The following THSD7B variants were observed in gnomAD, a reference collection of about 807,000 sequenced individuals.
THSD7B encodes the protein thrombospondin type-1 domain-containing protein 7B.
THSD7B carries 138 observed loss-of-function variants against 213.6 expected under a neutral mutation model. The ratio of observed to expected loss-of-function variants is 0.65; its 90% confidence interval spans 0.56 to 0.74. The LOEUF is 0.74. Among genes scored for constraint, THSD7B ranks in the 30% least tolerant of loss-of-function variants. THSD7B has a pLI of 0.00. For missense variants in THSD7B, 1,931 were observed against 1,991.5 expected, an observed-to-expected ratio of 0.97 and a Z score of 0.58; for synonymous variants, 742 against 687.0, an observed-to-expected ratio of 1.08 and a Z score of -1.25.
chr2:136,861,935 G>A (rs935411869), intron 1 of THSD7B, among the ~76,000 whole-genome samples: 1 of 152,038 alleles, frequency 6.6e-6, no homozygotes, highest in African/African-American at 2.4e-5. Context: ...GCTTCCAAAG[G>A]GACTCACCCA....
intron 20 of THSD7B, among the ~76,000 whole-genome samples, chr2:137,621,528 G>A (rs1026009533): frequency 6.6e-6 from 1 of 152,182 alleles, no homozygotes; most frequent in African/African-American, 2.4e-5. Context: ...CAGTAGTGAG[G>A]CAGGTAAATG....
intron 2 of THSD7B, among the ~76,000 whole-genome samples, chr2:136,929,068 C>T (rs190617645): frequency 2.2e-4 from 34 of 152,194 alleles, no homozygotes; most frequent in Non-Finnish European, 4.0e-4. Flanking sequence ...ACATGAAAAA[C>T]GTAACAGATT....
At chr2:137,357,286 A>G (rs913177310) in intron 12 of THSD7B, among the ~76,000 whole-genome samples, 9 of 152,146 alleles carry the variant, frequency 5.9e-5, no homozygotes, top group Non-Finnish European at 8.8e-5. Context: ...TCCCTATTCG[A>G]AACAGCTAAG....
intron 1 of THSD7B, among the ~76,000 whole-genome samples, chr2:136,854,932 T>G (rs1400468055): frequency 6.6e-6 from 1 of 152,142 alleles, no homozygotes; most frequent in Non-Finnish European, 1.5e-5. Flanking sequence ...AGGGGTTTTA[T>G]TCTTTTTAAA....
At chr2:136,876,387 A>T (rs1028741761) in intron 1 of THSD7B, among the ~76,000 whole-genome samples, 1 of 152,204 alleles carries the variant, frequency 6.6e-6, no homozygotes, top group African/African-American at 2.4e-5. Flanking sequence ...TCAATGGCAT[A>T]TATAATTGGC....
chr2:137,557,153 G>A (rs1374340915), intron 15 of THSD7B, among the ~76,000 whole-genome samples: 1 of 152,114 alleles, frequency 6.6e-6, no homozygotes, highest in Non-Finnish European at 1.5e-5. Context: ...AGTTAAGAGG[G>A]ATATCCAGGA....
At chr2:137,312,596 G>A (rs1476107056) in intron 12 of THSD7B, among the ~76,000 whole-genome samples, 3 of 151,562 alleles carry the variant, frequency 2.0e-5, no homozygotes, top group African/African-American at 7.3e-5. Flanking sequence ...TAATTGTGAT[G>A]TCAGGGTGTC....
At chr2:137,656,725 T>C (rs1036206611) in intron 22 of THSD7B, 71 bp from the exon 23 acceptor site, 1 of 1,462,714 alleles carries the variant, frequency 6.8e-7, no homozygotes, top group Non-Finnish European at 9.3e-7. Flanking sequence ...GTGTGAGCCC[T>C]GCCCATGCAA....
intron 1 of THSD7B, among the ~76,000 whole-genome samples, chr2:136,859,124 CA>C (rs995073411): frequency 2.6e-5 from 4 of 152,192 alleles, no homozygotes; most frequent in African/African-American, 9.6e-5. Context: ...TGCTACCAAT[CA>C]ACTTACTATT....
At chr2:136,917,045 G>T (rs1335012064) in intron 2 of THSD7B, among the ~76,000 whole-genome samples, 1 of 152,168 alleles carries the variant, frequency 6.6e-6, no homozygotes, top group African/African-American at 2.4e-5. Context: ...ATTGATACTG[G>T]TTTTATCAGT....
chr2:136,847,380 C>A (rs2104960566), intron 1 of THSD7B, among the ~76,000 whole-genome samples: 1 of 152,180 alleles, frequency 6.6e-6, no homozygotes, highest in East Asian at 1.9e-4. Flanking sequence ...AATCGGGAAT[C>A]CTCTTTCTAT....
intron 15 of THSD7B, among the ~76,000 whole-genome samples, chr2:137,472,629 A>G (rs896410852): frequency 2.0e-5 from 3 of 152,196 alleles, no homozygotes; most frequent in Admixed American, 1.3e-4. Context: ...GGATATGAAC[A>G]ACTTTCAGCC....
At chr2:137,407,939 A>G (rs1024037522) in intron 13 of THSD7B, among the ~76,000 whole-genome samples, 1 of 150,552 alleles carries the variant, frequency 6.6e-6, no homozygotes, top group South Asian at 2.1e-4. Context: ...GAGATATAAT[A>G]TATAAATATT....
intron 8 of THSD7B, 66 bp downstream of exon 8, chr2:137,231,301 G>A (rs1017562459): frequency 2.1e-6 from 3 of 1,459,276 alleles, no homozygotes; most frequent in Non-Finnish European, 2.8e-6. Flanking sequence ...TTCCTCATTG[G>A]TGATAGAGAA....
intron 12 of THSD7B, among the ~76,000 whole-genome samples, chr2:137,348,874 A>G (rs1684941826): frequency 1.3e-5 from 2 of 151,496 alleles, no homozygotes; most frequent in Admixed American, 1.3e-4. Flanking sequence ...TATAGATAGT[A>G]TATACCTGGA....
chr2:137,044,929 G>T (rs1451286736), intron 2 of THSD7B, among the ~76,000 whole-genome samples: 1 of 152,166 alleles, frequency 6.6e-6, no homozygotes, highest in African/African-American at 2.4e-5. Flanking sequence ...GGGATCCCTT[G>T]TTGAAGTCTT....
At chr2:137,275,136 T>C (rs1682838079) in intron 11 of THSD7B, among the ~76,000 whole-genome samples, 1 of 152,054 alleles carries the variant, frequency 6.6e-6, no homozygotes, top group African/African-American at 2.4e-5. Context: ...CTGTGAGTCA[T>C]AAAAATAGAG....
chr2:136,852,691 CTT>C (rs1277010867), intron 1 of THSD7B, among the ~76,000 whole-genome samples: 19 of 152,180 alleles, frequency 1.2e-4, no homozygotes, highest in African/African-American at 4.6e-4. Flanking sequence ...TTATGCCTGT[CTT>C]TGCTTTATGA....
intron 15 of THSD7B, among the ~76,000 whole-genome samples, chr2:137,458,324 T>C (rs1020583346): frequency 1.3e-5 from 2 of 152,198 alleles, no homozygotes; most frequent in African/African-American, 4.8e-5. Context: ...CAAAAAACTA[T>C]TTTTATGAAC....
Sources: gnomAD v4.1 joint callset for allele counts (sites outside exome capture counted in the v4.1 genomes callset) on GRCh38, gnomAD v4.1.1 for gene constraint, MANE v1.5 for transcripts, NCBI Gene and HGNC (gene_info 2026-07-23, HGNC 2026-07-21) for gene names.